SLC16A2: variants seen among roughly 807,000 people sequenced by gnomAD.
The protein encoded by SLC16A2 is solute carrier family 16 member 2, also known as monocarboxylate transporter 8.
Under a neutral mutation model 27.2 loss-of-function variants are expected in SLC16A2, and 3 were observed. The observed-to-expected ratio is 0.11, with a 90% CI of 0.05 to 0.28. The LOEUF (loss-of-function observed/expected upper bound fraction) is 0.28, where lower values mean the gene tolerates loss of function less well. Among genes scored for constraint, SLC16A2 ranks in the 10% least tolerant of loss-of-function variants. The pLI, the probability that SLC16A2 is intolerant of heterozygous loss-of-function variation, is 1.00. For missense variants in SLC16A2, 295 were observed against 458.5 expected (o/e 0.64, Z 3.26); for synonymous variants, 202 against 187.8 (o/e 1.08, Z -0.62).
At chrX:74,455,285 G>A (rs1929022868) in intron 1 of SLC16A2, among the ~76,000 whole-genome samples, 1 of 110,405 alleles carries the variant, frequency 9.1e-6, no homozygotes, top group Admixed American at 9.7e-5. Flanking sequence ...TTTATCTCGG[G>A]GAAAGTTAGA....
intron 1 of SLC16A2, among the ~76,000 whole-genome samples, chrX:74,435,526 C>CAT (rs1555980967): frequency 5.8e-5 from 4 of 68,551 alleles, no homozygotes; most frequent in East Asian, 1.7e-3. Context: ...TATATATATG[C>CAT]ATATATATAT....
chrX:74,427,780 C>T (rs149607806), intron 1 of SLC16A2, among the ~76,000 whole-genome samples: 2,310 of 103,161 alleles, frequency 0.022, 67 homozygotes, highest in African/African-American at 0.077. Context: ...TACACATGTG[C>T]GCAAGCGCAT....
intron 1 of SLC16A2, among the ~76,000 whole-genome samples, chrX:74,460,634 T>C (rs1259152254): frequency 1.8e-5 from 2 of 111,959 alleles, no homozygotes; most frequent in African/African-American, 6.5e-5. Flanking sequence ...GGGCCACTTT[T>C]AGAAAACATT....
chrX:74,486,785 T>C (rs1019180089), intron 1 of SLC16A2, among the ~76,000 whole-genome samples: 1 of 112,021 alleles, frequency 8.9e-6, no homozygotes, highest in Admixed American at 9.5e-5. Flanking sequence ...CACATGCACA[T>C]GTATGTTTAT....
chrX:74,531,557 C>T lies in SLC16A2; in HGVS notation c.*4C>T. The T allele has an allele frequency of 8.5e-7, 1 of 1,182,765 alleles. No homozygotes were observed. The highest frequency in any genetic ancestry group is 1.1e-6 in the Non-Finnish European group (1 of 870,060). Reference sequence around the variant, plus strand: ...CAACCCTGAGGAACCAATCTAATGCCTTTCTTGCCATTGTGTGCCCTTTCC... The same window carrying T: ...CAACCCTGAGGAACCAATCTAATGCTTTTCTTGCCATTGTGTGCCCTTTCC... On this transcript the variant is annotated 3_prime_UTR_variant, in exon 6 of 6. Transcript: ENST00000587091.
At position 74,424,080 on chromosome X, in the gene SLC16A2, A is replaced by C. The variant is rs1354400232; in HGVS notation, c.430+2013A>C. Among the ~76,000 whole-genome samples the C allele has an allele frequency of 4.9e-5, 4 of 81,319 alleles. No homozygotes were observed. In the Admixed American group the frequency reaches 5.1e-4, roughly 10 times the overall value. 70.6% of individuals were successfully genotyped at this position (81,319 alleles called of 115,157 possible). ...TGGGACTTTCCGGTCAAGACCTCAC[A>C]GTGCAGCTAGAGGGTGGGGGTGGTG... On this transcript the variant is annotated intron_variant, in intron 1 of 5. Transcript: ENST00000587091.
intron 1 of SLC16A2, among the ~76,000 whole-genome samples, chrX:74,479,985 G>T (rs1436061136): frequency 8.9e-6 from 1 of 112,027 alleles, no homozygotes; most frequent in Non-Finnish European, 1.9e-5. Flanking sequence ...GCTGCATGCT[G>T]GGAGAACCAC....
chrX:74,464,025 G>T (rs773329537), intron 1 of SLC16A2, among the ~76,000 whole-genome samples: 7 of 112,095 alleles, frequency 6.2e-5, no homozygotes, highest in Non-Finnish European at 1.3e-4. Context: ...TTTATATGTG[G>T]AATTATACAG....
chrX:74,456,253 T>C (rs1929040000), intron 1 of SLC16A2, among the ~76,000 whole-genome samples: 1 of 111,536 alleles, frequency 9.0e-6, no homozygotes, highest in Non-Finnish European at 1.9e-5. Flanking sequence ...TCCTTGCGAT[T>C]GGGCAGCTAG....
chrX:74,425,025 A>T (rs1264463329), intron 1 of SLC16A2, among the ~76,000 whole-genome samples: 2 of 111,394 alleles, frequency 1.8e-5, no homozygotes, highest in African/African-American at 6.5e-5. Context: ...CACCTGGCTA[A>T]TTTTTATTTA....
At chrX:74,519,527 C>A (rs1930369934) in intron 1 of SLC16A2, among the ~76,000 whole-genome samples, 1 of 102,046 alleles carries the variant, frequency 9.8e-6, no homozygotes, top group Non-Finnish European at 2.0e-5. Flanking sequence ...TCCTGGCTAA[C>A]ACAGTGAAAC....
Position 74,421,698 on chromosome X carries a change from G to T in SLC16A2, c.61G>T (p.Glu21Ter). ...AKGPWQEADQ[E>*]QQEPVGSPEP... ...GGGGCCCTGGCAGGAGGCAGACCAG[G>T]AACAGCAGGAGCCGGTGGGTAGCCC... is the stretch of plus-strand genomic sequence containing the variant. The change falls in exon 1 of 6, where the codon GAA (glutamate) becomes TAA (stop). Residue 21 changes from glutamate to a stop codon, truncating the protein, a stop_gained. Coordinates refer to ENST00000587091, the MANE Select transcript of SLC16A2 (RefSeq NM_006517.5). LOFTEE classifies it high-confidence loss of function. The T allele has an allele frequency of 8.4e-7, 1 of 1,191,057 alleles. No individual in the cohort carries two copies. Among genetic ancestry groups the T allele is most frequent in the Non-Finnish European group, 1.1e-6 (1 of 887,399 alleles).
At chrX:74,452,191 A>T (rs1928956661) in intron 1 of SLC16A2, among the ~76,000 whole-genome samples, 1 of 111,955 alleles carries the variant, frequency 8.9e-6, no homozygotes, top group African/African-American at 3.3e-5. Context: ...TTGCCAGTGT[A>T]CTCTCTTCCT....
chrX:74,517,574 G>A (rs1000121799), intron 1 of SLC16A2, among the ~76,000 whole-genome samples: 5 of 111,066 alleles, frequency 4.5e-5, no homozygotes, highest in East Asian at 2.8e-4. Flanking sequence ...CTGCTTTCCC[G>A]CCTTCTCCCC....
chrX:74,436,883 T>C (rs1310418023), intron 1 of SLC16A2, among the ~76,000 whole-genome samples: 3 of 111,987 alleles, frequency 2.7e-5, no homozygotes, highest in Non-Finnish European at 5.6e-5. Flanking sequence ...GGTTTACTGA[T>C]GGCCAAATTC....
chrX:74,457,844 G>A (rs914398018), intron 1 of SLC16A2, among the ~76,000 whole-genome samples: 3 of 111,383 alleles, frequency 2.7e-5, no homozygotes, highest in Non-Finnish European at 3.8e-5. Context: ...GCAGAGAGAA[G>A]GGAGGCACTG....
At chrX:74,514,315 C>A (rs1930281873) in intron 1 of SLC16A2, among the ~76,000 whole-genome samples, 1 of 110,022 alleles carries the variant, frequency 9.1e-6, no homozygotes, top group South Asian at 3.9e-4. Context: ...AAAGGGGCAG[C>A]CTAGCAAAAC....
intron 1 of SLC16A2, among the ~76,000 whole-genome samples, chrX:74,501,214 G>A (rs1930026582): frequency 9.0e-6 from 1 of 111,047 alleles, no homozygotes; most frequent in Admixed American, 9.6e-5. Flanking sequence ...ATGGTAAATG[G>A]TGAAGCCAGG....
chrX:74,451,805 A>T (rs1360506254), intron 1 of SLC16A2, among the ~76,000 whole-genome samples: 1 of 113,149 alleles, frequency 8.8e-6, no homozygotes, highest in Non-Finnish European at 1.9e-5. Context: ...TTATAGAAGA[A>T]TGTGACAGCA....
Sources: allele counts gnomAD v4.1 joint callset (sites outside exome capture counted in the v4.1 genomes callset), GRCh38; gene constraint gnomAD v4.1.1; transcripts MANE v1.5; gene names NCBI Gene and HGNC (gene_info 2026-07-23, HGNC 2026-07-21).